CLDN19: variants seen among roughly 807,000 people sequenced by gnomAD.
CLDN19 encodes claudin-19.
In CLDN19, 19 loss-of-function variants were observed where a neutral mutation model predicts 24.5. The observed-to-expected ratio is 0.78, with a 90% CI of 0.54 to 1.14. The LOEUF is 1.14. CLDN19 is among the 50% of genes most tolerant of loss of function. CLDN19 has a pLI of 0.00. For missense variants in CLDN19, 250 were observed against 295.9 expected (o/e 0.84, Z 1.14); for synonymous variants, 117 against 129.6 (o/e 0.90, Z 0.66).
rs1289562292 is a variant in CLDN19 at position 42,738,497 on chromosome 1, A to G, written c.312T>C (p.Cys104=). ...TGGGGTTGCTGTCTCCCACCCGCGT[A>G]CACTTCATGCCAACTACGCTGAGGA... The part of the protein sequence containing the change: ...AMVLSVVGMK[C]TRVGDSNPIA... The change falls in exon 2 of 5, where the codon TGT becomes TGC. Residue 104 remains cysteine (C), a synonymous_variant. Coordinates refer to ENST00000296387, the MANE Select transcript of CLDN19 (RefSeq NM_148960.3). 1 of 1,614,010 alleles carries G rather than the reference A, an allele frequency of 6.2e-7. No homozygotes were observed. Among genetic ancestry groups the G allele is most frequent in the Admixed American group, 1.7e-5 (1 of 60,028 alleles).
Position 42,738,278 on chromosome 1 carries a change from T to C in CLDN19, c.424A>G (p.Thr142Ala). Residue 142 changes from threonine to alanine, a missense_variant, in exon 3 of 5, where the codon ACC (threonine) becomes GCC (alanine). Physicochemically the swap from Thr to Ala is moderately conservative, Grantham distance 58. Transcript: ENST00000296387. ...TTGAAGAACTCCTGGGTCACCAGGG[T>C]GGCATACCACGAGACAGCAGTCAAA... The part of the protein sequence containing the change: ...CTLTAVSWYA[T>A]LVTQEFFNPS... The C allele has an allele frequency of 3.7e-6, 6 of 1,613,824 alleles. No individual in the cohort carries two copies. The highest frequency in any genetic ancestry group is 5.1e-6 in the Non-Finnish European group (6 of 1,180,014).
intron 1 of CLDN19, 70 bp downstream of exon 1, chr1:42,739,771 A>T: frequency 1.1e-5 from 14 of 1,310,678 alleles, no homozygotes; most frequent in Non-Finnish European, 1.4e-5. Context: ...GCAGACTGTG[A>T]GGAAAACTTG....
chr1:42,739,792 C>T (rs1370510154), intron 1 of CLDN19, 49 bp downstream of exon 1: 1 of 1,523,430 alleles, frequency 6.6e-7, no homozygotes, highest in South Asian at 1.1e-5. Flanking sequence ...CTCCAGACTC[C>T]CCTGCTGTTC....
At chr1:42,735,339 G>A (rs955001262) in intron 4 of CLDN19, 112 of 1,453,922 alleles carry the variant, frequency 7.7e-5, no homozygotes, top group Non-Finnish European at 9.1e-5. Context: ...AGCCCTGGGC[G>A]CACTGGAAGA....
At position 42,738,500 on chromosome 1, in the gene CLDN19, C is replaced by T. The variant is rs748824249; in HGVS notation, c.309G>A (p.Lys103=). The T allele has an allele frequency of 1.5e-5, 24 of 1,614,064 alleles. No homozygotes were observed. Among genetic ancestry groups the T allele is most frequent in the Non-Finnish European group, 1.9e-5 (23 of 1,180,042 alleles). ...GGTTGCTGTCTCCCACCCGCGTACA[C>T]TTCATGCCAACTACGCTGAGGACCA... The part of the protein sequence containing the change: ...VAMVLSVVGM[K]CTRVGDSNPI... The change falls in exon 2 of 5, where the codon AAG becomes AAA. Residue 103 remains lysine (K), a synonymous_variant. Transcript: ENST00000296387.
intron 4 of CLDN19, 120 bp downstream of exon 4, chr1:42,735,758 G>A (rs1466485858): frequency 1.3e-6 from 2 of 1,513,124 alleles, no homozygotes; most frequent in African/African-American, 1.4e-5. Context: ...GCTGCTCAGA[G>A]CACCTATGCC....
In CLDN19 at chr1:42,740,118, G is replaced by T; in HGVS notation, c.-55C>A. On this transcript the variant is annotated 5_prime_UTR_variant, in exon 1 of 5. The change creates a new upstream start codon in the 5' untranslated region. Transcript: ENST00000296387. ...GACTCAGAGCTGGGCCAGGGTGCCA[G>T]CAGGGGCTTTGGTCATGGCCAGGTG... is the stretch of plus-strand genomic sequence containing the variant. 1 of 1,416,038 alleles carries T rather than the reference G, an allele frequency of 7.1e-7. No individual in the cohort carries two copies. Among genetic ancestry groups the T allele is most frequent in the Non-Finnish European group, 9.7e-7 (1 of 1,031,872 alleles). The allele number at this position is 1,416,038 out of a possible 1,614,324, so 87.7% of individuals were successfully genotyped here. A position where few individuals can be genotyped will look rare whatever the true frequency, so the allele number is the denominator to read the frequency against.
intron 3 of CLDN19, among the ~76,000 whole-genome samples, chr1:42,736,995 A>T (rs1651394757): frequency 6.6e-6 from 1 of 152,100 alleles, no homozygotes; most frequent in African/African-American, 2.4e-5. Flanking sequence ...TCCTCCAGGC[A>T]TCCCTCCCGA....
At chr1:42,738,654 T>C (rs1651452709) in intron 1 of CLDN19, 69 bp from the exon 2 acceptor site, 2 of 1,509,852 alleles carry the variant, frequency 1.3e-6, no homozygotes, top group African/African-American at 1.4e-5. Flanking sequence ...CTGGGGTCGG[T>C]GGAAGGAGCC....
rs1355679787 is a variant in CLDN19 at position 42,738,585 on chromosome 1, C to G, written c.224G>C (p.Gly75Ala). The G allele has an allele frequency of 1.2e-6, 2 of 1,613,260 alleles. No homozygotes were observed. The highest frequency in any genetic ancestry group is 2.2e-5 in the South Asian group (2 of 91,054). ...CAGGGCCCGCGCTGATTGGATGTGACCTAGGGTGGGCGGGATGACACTGAG... is the reference window on the plus strand; with the variant it reads ...CAGGGCCCGCGCTGATTGGATGTGAGCTAGGGTGGGCGGGATGACACTGAG... Reference protein sequence around the residue: ...KLYDSLLALDGHIQSARALMV... With the variant: ...KLYDSLLALDAHIQSARALMV... Residue 75 changes from glycine (G) to alanine (A), a missense_variant and splice_region_variant, in exon 2 of 5, where the codon GGT (glycine) becomes GCT (alanine). Physicochemically the swap from Gly to Ala is moderately conservative, Grantham distance 60 (BLOSUM62 0). Coordinates refer to ENST00000296387, the MANE Select transcript of CLDN19 (RefSeq NM_148960.3).
At position 42,739,376 on chromosome 1, in the gene CLDN19, GTGTGCATGCGTGTTTGCATGCA is replaced by G. The variant is rs1020133970; in HGVS notation, c.223+443_223+464del. On this transcript the variant is annotated intron_variant, in intron 1 of 4. Transcript: ENST00000296387. The stretch of plus-strand genomic sequence containing the variant: ...TGTGCATGCATGTGCACGTGTGTGC[GTGTGCATGCGTGTTTGCATGCA>G]TGTGCATGCACCCATATGCTGGCAC... 5.7e-4 allele frequency among the ~76,000 whole-genome samples: 87 copies of G among 152,334 alleles called. 1 individual carries two copies. Among genetic ancestry groups the G allele is most frequent in the African/African-American group, 1.4e-3 (60 of 41,582 alleles).
Position 42,735,077 on chromosome 1 carries a change from G to A in CLDN19, c.*9C>T, listed in dbSNP as rs777172207. ...TGGCAGGGGACAGAGCCTGGCTGGG[G>A]ACTGGACATTACACACCCAGGGGGC... On this transcript the variant is annotated 3_prime_UTR_variant, in exon 5 of 5. Transcript: ENST00000296387. The A allele has an allele frequency of 1.5e-5, 24 of 1,597,034 alleles. No individual in the cohort carries two copies. In the Admixed American group the frequency reaches 2.3e-4, roughly 16 times the overall value.
In CLDN19 at chr1:42,735,724, G is replaced by C. The variant is rs759663769; in HGVS notation, c.626+154C>G. ...TGAGGATCTGGGTCTCAGATTGCAG[G>C]GTGGGTGCTTGTGTTGAGGACAAGC... On this transcript the variant is annotated intron_variant, in intron 4 of 4. Transcript: ENST00000296387. The C allele has an allele frequency of 4.8e-6, 7 of 1,466,920 alleles. No homozygotes were observed. The South Asian group carries it at 5.5e-5, about 12-fold the overall frequency. 90.9% of individuals were successfully genotyped at this position (1,466,920 alleles called of 1,614,324 possible).
At chr1:42,735,180 G>A (rs763045798) in intron 4 of CLDN19, 46 bp from the exon 5 acceptor site, 2 of 1,612,334 alleles carry the variant, frequency 1.2e-6, no homozygotes, top group Non-Finnish European at 1.7e-6. Flanking sequence ...TGAGCTGTGG[G>A]GTCGGGGGCA....
chr1:42,738,531 A>G lies in CLDN19; in HGVS notation c.278T>C (p.Val93Ala), dbSNP rs1557551799. The G allele has an allele frequency of 6.2e-7, 1 of 1,614,010 alleles. No individual in the cohort carries two copies. The highest frequency in any genetic ancestry group is 8.5e-7 in the Non-Finnish European group (1 of 1,180,028). The part of the protein sequence containing the change: ...LMVVAVLLGF[V>A]AMVLSVVGMK... ...GCCAACTACGCTGAGGACCATGGCC[A>G]CGAAGCCCAGGAGCACGGCCACCAC... is the stretch of plus-strand genomic sequence containing the variant. The change falls in exon 2 of 5, where the codon GTG becomes GCG. Residue 93 changes from valine (V) to alanine (A), a missense_variant. Val to Ala is a moderately conservative substitution (Grantham distance 64, BLOSUM62 0). Transcript: ENST00000296387.
At chr1:42,737,135 G>A (rs1392902865) in intron 3 of CLDN19, among the ~76,000 whole-genome samples, 1 of 152,208 alleles carries the variant, frequency 6.6e-6, no homozygotes, top group Non-Finnish European at 1.5e-5. Context: ...AGGAGCCAAG[G>A]TGGGCCCAGG....
chr1:42,735,840 G>A (rs1416239266), intron 4 of CLDN19, 38 bp downstream of exon 4: 4 of 1,560,440 alleles, frequency 2.6e-6, no homozygotes, highest in Admixed American at 1.9e-5. Flanking sequence ...GGGCCACTGG[G>A]TGGGGGGCTG....
Position 42,739,824 on chromosome 1 carries a change from G to A in CLDN19, c.223+17C>T, listed in dbSNP as rs371970356. 24 of 1,608,966 alleles carry A rather than the reference G, an allele frequency of 1.5e-5. No homozygotes were observed. In the African/African-American group the frequency reaches 1.7e-4, roughly 12 times the overall value. ...GTTCCCACCTCCCATCTCCCACCCC[G>A]CCGGCCTGGGGCCTACCGTCCAGGG... is the stretch of plus-strand genomic sequence containing the variant. On this transcript the variant is annotated intron_variant, in intron 1 of 4. Coordinates refer to ENST00000296387, the MANE Select transcript of CLDN19 (RefSeq NM_148960.3).
At chr1:42,735,375 C>A (rs1057009534) in intron 4 of CLDN19, 26 of 1,435,408 alleles carry the variant, frequency 1.8e-5, no homozygotes, top group Non-Finnish European at 2.4e-5. Context: ...TCAGACCCTC[C>A]CTGTCCTTGT....
Sources: gnomAD v4.1 joint callset for allele counts (sites outside exome capture counted in the v4.1 genomes callset) on GRCh38, gnomAD v4.1.1 for gene constraint, MANE v1.5 for transcripts, NCBI Gene and HGNC (gene_info 2026-07-23, HGNC 2026-07-21) for gene names.